The following GCFC2 variants were observed in gnomAD, a reference collection of about 807,000 sequenced individuals.
GCFC2 encodes the protein intron Large complex component GCFC2.
GCFC2 carries 102 observed loss-of-function variants against 99.4 expected under a neutral mutation model. The observed-to-expected ratio is 1.03, with a 90% CI of 0.87 to 1.21. GCFC2 has a LOEUF of 1.21. Ranked by LOEUF, GCFC2 falls within the 50% of genes most tolerant of loss-of-function variation. GCFC2 has a pLI of 0.00. For synonymous variants in GCFC2, 338 were observed against 316.8 expected, an observed-to-expected ratio of 1.07 and a Z score of -0.71; for missense variants, 973 against 920.9, an observed-to-expected ratio of 1.06 and a Z score of -0.73.
At chr2:75,704,106 C>A (rs941603749) in intron 2 of GCFC2, among the ~76,000 whole-genome samples, 8 of 152,184 alleles carry the variant, frequency 5.3e-5, no homozygotes, top group Non-Finnish European at 1.0e-4. Flanking sequence ...ACAGCAGATG[C>A]TGGGCAGACA....
In GCFC2 at chr2:75,663,705, C is replaced by G. The variant is rs1044095631; in HGVS notation, c.*961G>C. 6.6e-6 allele frequency: 1 copy of G among 151,874 alleles called. No individual in the cohort carries two copies. The allele number at this position is 151,874 out of a possible 1,614,324, so 9.4% of individuals were successfully genotyped here. ...GAAACCCCATCTCTACAAAAAATTA[C>G]AAAAATCAGCTGGGCATGGTGGCGC... On this transcript the variant is annotated 3_prime_UTR_variant, in exon 17 of 17. Coordinates refer to ENST00000321027, the MANE Select transcript of GCFC2 (RefSeq NM_003203.5).
chr2:75,680,358 G>T (rs1450712411), intron 11 of GCFC2, 44 bp from the exon 12 acceptor site: 6 of 1,539,792 alleles, frequency 3.9e-6, no homozygotes, highest in African/African-American at 1.4e-5. Context: ...TTACTAGATT[G>T]TTTTGCTTTT....
intron 4 of GCFC2, among the ~76,000 whole-genome samples, chr2:75,699,200 CATT>C (rs377010380): frequency 7.0e-4 from 107 of 152,202 alleles, no homozygotes; most frequent in African/African-American, 2.5e-3. Context: ...ACACACATCT[CATT>C]AGTAAGGAAT....
At chr2:75,669,120 A>G (rs181875638) in intron 15 of GCFC2, among the ~76,000 whole-genome samples, 1 of 152,360 alleles carries the variant, frequency 6.6e-6, no homozygotes, top group Admixed American at 6.5e-5. Context: ...TTAGTTTTAC[A>G]TATCCTTTTA....
At chr2:75,679,978 A>C in intron 12 of GCFC2, 1 of 473,170 alleles carries the variant, frequency 2.1e-6, no homozygotes, top group Non-Finnish European at 3.7e-6. Context: ...TATTATTATA[A>C]AGATAAAAAA....
At chr2:75,677,402 G>A (rs1166966496) in intron 12 of GCFC2, among the ~76,000 whole-genome samples, 2 of 152,208 alleles carry the variant, frequency 1.3e-5, no homozygotes, top group African/African-American at 4.8e-5. Context: ...ATTATATAGT[G>A]TAAGTGATTC....
Position 75,705,193 on chromosome 2 carries a change from G to A in GCFC2, c.394+1330C>T, listed in dbSNP as rs73939110. 6.9e-3 allele frequency among the ~76,000 whole-genome samples: 1,054 copies of A among 152,172 alleles called. 8 individuals carry two copies. The highest frequency in any genetic ancestry group is 0.024 in the African/African-American group (1,007 of 41,502). ...AGCACTGTATCTAGAATCCAGACAA[G>A]GCTTCAACTGTTTACTAGATTTCAG... is the stretch of plus-strand genomic sequence containing the variant. On this transcript the variant is annotated intron_variant, in intron 2 of 16. Coordinates refer to ENST00000321027, the MANE Select transcript of GCFC2 (RefSeq NM_003203.5).
At chr2:75,693,128 T>A (rs974800209) in intron 6 of GCFC2, among the ~76,000 whole-genome samples, 11 of 152,202 alleles carry the variant, frequency 7.2e-5, no homozygotes, top group African/African-American at 2.7e-4. Flanking sequence ...AGCATCTCAT[T>A]GTTTTAATTA....
intron 12 of GCFC2, 95 bp downstream of exon 12, chr2:75,680,098 T>A (rs548530085): frequency 1.3e-6 from 1 of 782,834 alleles, no homozygotes; most frequent in African/African-American, 1.8e-5. Flanking sequence ...AGTTTTCTGA[T>A]AATCACTTCT....
At chr2:75,708,410 T>C (rs984647729) in intron 1 of GCFC2, among the ~76,000 whole-genome samples, 2 of 150,942 alleles carry the variant, frequency 1.3e-5, no homozygotes, top group Non-Finnish European at 2.9e-5. Flanking sequence ...CAATCGTTCA[T>C]GAGTAAAAGA....
rs534180261 is a variant in GCFC2 at position 75,679,967 on chromosome 2, T to A, written c.1812+226A>T. The A allele has an allele frequency of 6.3e-6, 3 of 473,308 alleles. No homozygotes were observed. In the South Asian group the frequency reaches 1.6e-4, roughly 25 times the overall value. 29.3% of individuals were successfully genotyped at this position (473,308 alleles called of 1,614,324 possible). ...AAGTATCAAGGTATATTCTTTCATC[T>A]TATTATTATAAAGATAAAAAATAGC... On this transcript the variant is annotated intron_variant, in intron 12 of 16. Coordinates refer to ENST00000321027, the MANE Select transcript of GCFC2 (RefSeq NM_003203.5).
At position 75,692,068 on chromosome 2, in the gene GCFC2, C is replaced by A. The variant is rs1259914107; in HGVS notation, c.1053G>T (p.Met351Ile). The change falls in exon 7 of 17, where the codon ATG becomes ATT. Residue 351 changes from methionine to isoleucine, a missense_variant. Physicochemically the swap from Met to Ile is conservative, Grantham distance 10 (BLOSUM62 1). Transcript: ENST00000321027. Reference sequence around the variant, plus strand: ...TAGCTTGTTTTAAAAGGAGTGCATGCATGGATGATTCTATTTCTTGGATGT... The same window carrying A: ...TAGCTTGTTTTAAAAGGAGTGCATGAATGGATGATTCTATTTCTTGGATGT... Reference protein sequence around the residue: ...IINIQEIESSMHALLLKQAMT... With the variant: ...IINIQEIESSIHALLLKQAMT... The A allele has an allele frequency of 5.9e-6, 9 of 1,517,980 alleles. No homozygotes were observed. The highest frequency in any genetic ancestry group is 8.0e-6 in the Non-Finnish European group (9 of 1,119,452). The allele number at this position is 1,517,980 out of a possible 1,614,324, so 94.0% of individuals were successfully genotyped here.
At chr2:75,706,315 T>G (rs72918120) in intron 2 of GCFC2, among the ~76,000 whole-genome samples, 11,201 of 152,182 alleles carry the variant, frequency 0.074, 1,320 homozygotes, top group African/African-American at 0.25. Context: ...CAGAACAAAC[T>G]GGGTTTGAAT....
chr2:75,681,592 A>G (rs541249376), intron 11 of GCFC2, among the ~76,000 whole-genome samples: 1 of 151,824 alleles, frequency 6.6e-6, no homozygotes, highest in African/African-American at 2.4e-5. Flanking sequence ...CCAGAGAAAC[A>G]GAACCATTCA....
chr2:75,702,372 A>C lies in GCFC2; in HGVS notation c.446T>G (p.Leu149Trp). 1 of 1,612,730 alleles carries C rather than the reference A, an allele frequency of 6.2e-7. No homozygotes were observed. Among genetic ancestry groups the C allele is most frequent in the Non-Finnish European group, 8.5e-7 (1 of 1,178,696 alleles). The part of the protein sequence containing the change: ...FIQAARRKRE[L>W]ARAQDDYISL... ...AATATAGTCATCTTGGGCCCTGGCC[A>C]ATTCACGTTTTCTGCGGGCTGCCTG... Residue 149 changes from leucine to tryptophan, a missense_variant, in exon 3 of 17, where the codon TTG (leucine) becomes TGG (tryptophan). Coordinates refer to ENST00000321027, the MANE Select transcript of GCFC2 (RefSeq NM_003203.5).
chr2:75,664,764 T>C lies in GCFC2; in HGVS notation c.2248A>G (p.Ile750Val), dbSNP rs184153482. The change falls in exon 17 of 17, where the codon ATT becomes GTT. Residue 750 changes from isoleucine to valine, a missense_variant. By Grantham distance (29) the Ile-to-Val change is conservative. Coordinates refer to ENST00000321027, the MANE Select transcript of GCFC2 (RefSeq NM_003203.5). The part of the protein sequence containing the change: ...SEFRDEVEEI[I>V]LILVKIKALN... ...GCTTTTATTTTCACCAAAATAAGAA[T>C]TATTTCTTCGACTTCATCCCTGAAA... 324 of 1,545,978 alleles carry C rather than the reference T, an allele frequency of 2.1e-4. 2 individuals carry two copies. In the Admixed American group the frequency reaches 5.3e-3, roughly 25 times the overall value.
intron 12 of GCFC2, among the ~76,000 whole-genome samples, chr2:75,675,751 A>AAC (rs1397755038): frequency 4.0e-5 from 6 of 151,258 alleles, no homozygotes; most frequent in East Asian, 1.9e-4. Context: ...CAAAAAAAAA[A>AAC]AAAAAAACAA....
intron 4 of GCFC2, among the ~76,000 whole-genome samples, chr2:75,700,981 C>A (rs943064255): frequency 5.3e-5 from 8 of 152,138 alleles, no homozygotes; most frequent in Non-Finnish European, 1.2e-4. Context: ...CTGGAATGAC[C>A]AGAAGTTGCA....
At chr2:75,677,973 G>A (rs555108405) in intron 12 of GCFC2, among the ~76,000 whole-genome samples, 79 of 146,460 alleles carry the variant, frequency 5.4e-4, no homozygotes, top group South Asian at 2.4e-3. Context: ...GCAAGACTCC[G>A]CCTCAAAAAA....
Sources: gnomAD v4.1 joint callset for allele counts (sites outside exome capture counted in the v4.1 genomes callset) on GRCh38, gnomAD v4.1.1 for gene constraint, MANE v1.5 for transcripts, NCBI Gene and HGNC (gene_info 2026-07-23, HGNC 2026-07-21) for gene names.